Variants in BMPER observed in about 807,000 individuals in gnomAD.
BMPER encodes BMP-binding endothelial regulator protein.
BMPER carries 45 observed loss-of-function variants against 87.3 expected under a neutral mutation model. That is an observed-to-expected ratio of 0.52 (90% CI 0.41 to 0.66). The LOEUF (loss-of-function observed/expected upper bound fraction) is 0.66, where lower values mean the gene tolerates loss of function less well. Among genes scored for constraint, BMPER ranks in the 30% least tolerant of loss-of-function variants. The pLI is 0.00. For synonymous variants in BMPER, 326 were observed against 316.2 expected, an observed-to-expected ratio of 1.03 and a Z score of -0.33; for missense variants, 784 against 867.5, an observed-to-expected ratio of 0.90 and a Z score of 1.21.
chr7:34,080,331 G>C (rs969157803), intron 12 of BMPER, among the ~76,000 whole-genome samples: 1 of 152,164 alleles, frequency 6.6e-6, no homozygotes, highest in African/African-American at 2.4e-5. Flanking sequence ...TTGATAAGTT[G>C]ATTTGAGCTT....
At chr7:33,957,216 A>G (rs747959777) in intron 3 of BMPER, among the ~76,000 whole-genome samples, 1 of 151,892 alleles carries the variant, frequency 6.6e-6, no homozygotes, top group Non-Finnish European at 1.5e-5. Flanking sequence ...TCAGTAGGTG[A>G]GTGGTTAAAC....
At chr7:33,922,949 A>G (rs986929434) in intron 2 of BMPER, among the ~76,000 whole-genome samples, 2 of 152,194 alleles carry the variant, frequency 1.3e-5, no homozygotes, top group African/African-American at 2.4e-5. Context: ...GAGGAGTACT[A>G]ATCCCAAAAT....
At chr7:33,938,660 T>G (rs772453852) in intron 3 of BMPER, among the ~76,000 whole-genome samples, 1 of 152,160 alleles carries the variant, frequency 6.6e-6, no homozygotes. Context: ...CTCAGGAAAC[T>G]CATCCACCAC....
intron 12 of BMPER, among the ~76,000 whole-genome samples, chr7:34,083,583 A>G (rs1423541743): frequency 6.6e-6 from 1 of 152,130 alleles, no homozygotes; most frequent in Non-Finnish European, 1.5e-5. Flanking sequence ...TTCTACCAGT[A>G]TCTCTCTTTG....
chr7:33,949,876 C>T (rs1784980355), intron 3 of BMPER, among the ~76,000 whole-genome samples: 1 of 152,164 alleles, frequency 6.6e-6, no homozygotes, highest in African/African-American at 2.4e-5. Context: ...AGATTGGCTA[C>T]CCATAATATA....
chr7:34,153,378 C>T lies in BMPER; in HGVS notation c.*105C>T, dbSNP rs1791234120. ...TTGTGTGCCCGATTCTGTAAACACA[C>T]ACACACAGAGTATATATGTGTATAT... On this transcript the variant is annotated 3_prime_UTR_variant, in exon 15 of 15. Transcript: ENST00000649409. 8.7e-7 allele frequency: 1 copy of T among 1,145,494 alleles called. No homozygotes were observed. Among genetic ancestry groups the T allele is most frequent in the Admixed American group, 1.8e-5 (1 of 55,374 alleles). 71.0% of individuals were successfully genotyped at this position (1,145,494 alleles called of 1,614,324 possible).
At chr7:33,974,337 C>A (rs919388559) in intron 5 of BMPER, among the ~76,000 whole-genome samples, 1 of 152,080 alleles carries the variant, frequency 6.6e-6, no homozygotes, top group Admixed American at 6.5e-5. Flanking sequence ...TGGTTGACTT[C>A]TCTCCCTTGG....
chr7:33,937,691 T>C, intron 3 of BMPER: 1 of 405,236 alleles, frequency 2.5e-6, no homozygotes, highest in Non-Finnish European at 4.6e-6. Context: ...ACCATGCCTC[T>C]GCATATTTGT....
At chr7:33,936,224 G>T (rs1183309214) in intron 2 of BMPER, among the ~76,000 whole-genome samples, 1 of 152,192 alleles carries the variant, frequency 6.6e-6, no homozygotes, top group Admixed American at 6.5e-5. Context: ...TATGCCAAGA[G>T]AGTTCTAGGT....
At chr7:33,925,260 C>T (rs562749497) in intron 2 of BMPER, among the ~76,000 whole-genome samples, 2 of 152,314 alleles carry the variant, frequency 1.3e-5, no homozygotes, top group South Asian at 2.1e-4. Context: ...CTAACTATTT[C>T]TCTTCCCCAA....
chr7:34,130,685 G>A (rs772137646), intron 13 of BMPER, among the ~76,000 whole-genome samples: 4 of 152,220 alleles, frequency 2.6e-5, no homozygotes, highest in Non-Finnish European at 4.4e-5. Flanking sequence ...CGCTCCCATG[G>A]GGGTGTAGTT....
intron 2 of BMPER, among the ~76,000 whole-genome samples, chr7:33,920,160 C>G (rs555252988): frequency 3.4e-4 from 52 of 152,250 alleles, no homozygotes; most frequent in Non-Finnish European, 5.7e-4. Flanking sequence ...GGCCTCTGCC[C>G]CTTCCTCCCT....
chr7:34,057,010 C>T (rs543493715), intron 9 of BMPER, among the ~76,000 whole-genome samples: 1 of 152,164 alleles, frequency 6.6e-6, no homozygotes, highest in Non-Finnish European at 1.5e-5. Flanking sequence ...GAAATGTGTA[C>T]TCAGAGAACT....
chr7:33,990,622 A>G (rs1169869994), intron 6 of BMPER, among the ~76,000 whole-genome samples: 1 of 151,668 alleles, frequency 6.6e-6, no homozygotes, highest in Non-Finnish European at 1.5e-5. Context: ...TCTCCTGACT[A>G]ATTGCCCTGG....
At chr7:33,983,942 C>G (rs1785928059) in intron 6 of BMPER, among the ~76,000 whole-genome samples, 1 of 152,168 alleles carries the variant, frequency 6.6e-6, no homozygotes, top group Non-Finnish European at 1.5e-5. Context: ...CACGTCTAAG[C>G]AAGTTTAAAC....
At chr7:33,923,416 C>T (rs1784282943) in intron 2 of BMPER, among the ~76,000 whole-genome samples, 1 of 152,152 alleles carries the variant, frequency 6.6e-6, no homozygotes. Flanking sequence ...TAGACCTTTT[C>T]CCTGGAATTC....
intron 6 of BMPER, among the ~76,000 whole-genome samples, chr7:34,022,160 C>A (rs1277783390): frequency 1.3e-5 from 2 of 152,030 alleles, no homozygotes; most frequent in Non-Finnish European, 2.9e-5. Flanking sequence ...TTTAGGAATT[C>A]TTTCCAAACT....
chr7:34,012,802 T>C (rs1183155286), intron 6 of BMPER, among the ~76,000 whole-genome samples: 2 of 151,974 alleles, frequency 1.3e-5, no homozygotes, highest in East Asian at 1.9e-4. Flanking sequence ...AAATCAAATA[T>C]ATCAATTATA....
intron 14 of BMPER, among the ~76,000 whole-genome samples, chr7:34,151,213 A>G (rs917396992): frequency 1.3e-5 from 2 of 152,186 alleles, no homozygotes; most frequent in Non-Finnish European, 1.5e-5. Flanking sequence ...CAAATGGAAA[A>G]TTCCAATCCC....
Sources: allele counts gnomAD v4.1 joint callset (sites outside exome capture counted in the v4.1 genomes callset), GRCh38; gene constraint gnomAD v4.1.1; transcripts MANE v1.5; gene names NCBI Gene and HGNC (gene_info 2026-07-23, HGNC 2026-07-21).